The following CNTNAP2 variants were observed in gnomAD, a reference collection of about 807,000 sequenced individuals.
CNTNAP2 encodes the protein contactin-associated protein-like 2.
Under a neutral mutation model 155.2 loss-of-function variants are expected in CNTNAP2, and 98 were observed. The observed-to-expected ratio is 0.63, with a 90% CI of 0.54 to 0.75. The LOEUF (loss-of-function observed/expected upper bound fraction) is 0.75, where lower values mean the gene tolerates loss of function less well. Among genes scored for constraint, CNTNAP2 ranks in the 30% least tolerant of loss-of-function variants. CNTNAP2 has a pLI of 0.00. For synonymous variants in CNTNAP2, 651 were observed against 631.2 expected (o/e 1.03, Z -0.47); for missense variants, 1,727 against 1,688.1 (o/e 1.02, Z -0.40).
intron 13 of CNTNAP2, among the ~76,000 whole-genome samples, chr7:147,669,775 C>T (rs1795757295): frequency 6.6e-6 from 1 of 152,222 alleles, no homozygotes; most frequent in Non-Finnish European, 1.5e-5. Flanking sequence ...TTGGTCTTCT[C>T]CATCCTTCCA....
chr7:147,465,015 A>G (rs1798094195), intron 10 of CNTNAP2, among the ~76,000 whole-genome samples: 1 of 152,188 alleles, frequency 6.6e-6, no homozygotes, highest in Admixed American at 6.5e-5. Flanking sequence ...AGCAACATGG[A>G]TGCAGCTGGA....
intron 9 of CNTNAP2, among the ~76,000 whole-genome samples, chr7:147,394,807 T>TTTTGTGTGTG (rs765458537): frequency 7.2e-6 from 1 of 139,286 alleles, no homozygotes; most frequent in African/African-American, 2.7e-5. Context: ...ATCAACAGTA[T>TTTTGTGTGTG]TGTGTGTGTG....
At chr7:146,373,728 G>A (rs543708433) in intron 1 of CNTNAP2, among the ~76,000 whole-genome samples, 1 of 152,182 alleles carries the variant, frequency 6.6e-6, no homozygotes, top group African/African-American at 2.4e-5. Flanking sequence ...ACAGACATCA[G>A]TCTCCAGACA....
chr7:146,392,489 T>C (rs184245076), intron 1 of CNTNAP2, among the ~76,000 whole-genome samples: 1 of 152,302 alleles, frequency 6.6e-6, no homozygotes, highest in East Asian at 1.9e-4. Context: ...ATATTTCTCC[T>C]TCAGATAAAA....
At chr7:148,110,772 C>A (rs963350715) in intron 15 of CNTNAP2, among the ~76,000 whole-genome samples, 5 of 152,156 alleles carry the variant, frequency 3.3e-5, no homozygotes, top group African/African-American at 1.2e-4. Flanking sequence ...CTGCCAGTGA[C>A]TGTCCTACTC....
At chr7:147,303,467 G>A (rs1253917614) in intron 9 of CNTNAP2, among the ~76,000 whole-genome samples, 3 of 152,152 alleles carry the variant, frequency 2.0e-5, no homozygotes, top group Non-Finnish European at 4.4e-5. Context: ...CCTCTGGATC[G>A]CAACTTTAAC....
intron 10 of CNTNAP2, among the ~76,000 whole-genome samples, chr7:147,480,532 T>C (rs1798402350): frequency 6.6e-6 from 1 of 152,226 alleles, no homozygotes; most frequent in African/African-American, 2.4e-5. Context: ...CTATGAATTA[T>C]ATGAAGTCTA....
At chr7:147,674,636 T>C (rs1400111607) in intron 13 of CNTNAP2, among the ~76,000 whole-genome samples, 1 of 152,190 alleles carries the variant, frequency 6.6e-6, no homozygotes, top group African/African-American at 2.4e-5. Flanking sequence ...CTTCGTTGTT[T>C]AAATGCAATA....
At chr7:146,188,478 T>A (rs1392573209) in intron 1 of CNTNAP2, among the ~76,000 whole-genome samples, 1 of 152,204 alleles carries the variant, frequency 6.6e-6, no homozygotes, top group Non-Finnish European at 1.5e-5. Context: ...TAAAGCCAAA[T>A]GTAAAGTCTC....
chr7:147,015,333 T>A (rs889417147), intron 3 of CNTNAP2, among the ~76,000 whole-genome samples: 1 of 152,134 alleles, frequency 6.6e-6, no homozygotes, highest in Non-Finnish European at 1.5e-5. Context: ...TTAGCACCTG[T>A]CTGACATTTC....
intron 20 of CNTNAP2, among the ~76,000 whole-genome samples, chr7:148,249,523 C>G (rs1796330523): frequency 6.6e-6 from 1 of 152,142 alleles, no homozygotes; most frequent in South Asian, 2.1e-4. Context: ...TATCTCAACC[C>G]AAACCTCGCC....
Position 146,322,564 on chromosome 7 carries a change from A to G in CNTNAP2, c.97+205591A>G, listed in dbSNP as rs114716216. 6.9e-3 allele frequency among the ~76,000 whole-genome samples: 993 copies of G among 143,522 alleles called. 13 individuals are homozygous for G. Among genetic ancestry groups the G allele is most frequent in the African/African-American group, 0.024 (953 of 38,934 alleles). The allele number at this position is 143,522 out of a possible 152,430, so 94.2% of individuals were successfully genotyped here. Reference sequence around the variant, plus strand: ...ATACAAATTTAAATTTGGGAAATCTATTGGATCCTCTTTTATTTTTAGGGA... The same window carrying G: ...ATACAAATTTAAATTTGGGAAATCTGTTGGATCCTCTTTTATTTTTAGGGA... On this transcript the variant is annotated intron_variant, in intron 1 of 23. Transcript: ENST00000361727.
intron 1 of CNTNAP2, among the ~76,000 whole-genome samples, chr7:146,704,658 A>C (rs1317499061): frequency 6.6e-6 from 1 of 152,170 alleles, no homozygotes; most frequent in Non-Finnish European, 1.5e-5. Flanking sequence ...ATGTGAGGTC[A>C]ATTGGTTAAC....
chr7:147,315,111 CA>C lies in CNTNAP2; in HGVS notation c.1498+14839del, dbSNP rs61529667. Among the ~76,000 whole-genome samples the C allele has an allele frequency of 4.2e-3, 445 of 107,116 alleles. 2 individuals are homozygous for C. Among genetic ancestry groups the C allele is most frequent in the Middle Eastern group, 9.5e-3 (2 of 210 alleles). 70.3% of individuals were successfully genotyped at this position (107,116 alleles called of 152,430 possible). A position where few individuals can be genotyped will look rare whatever the true frequency, so the allele number is the denominator to read the frequency against. Reference sequence around the variant, plus strand: ...CTTAAGAACCTTCTAGGGTACTTTACAAAAAAAAAAAAAAAAAAGTCTTTGG... The same window carrying C: ...CTTAAGAACCTTCTAGGGTACTTTACAAAAAAAAAAAAAAAAAGTCTTTGG... On this transcript the variant is annotated intron_variant, in intron 9 of 23. Coordinates refer to ENST00000361727, the MANE Select transcript of CNTNAP2 (RefSeq NM_014141.6).
intron 2 of CNTNAP2, among the ~76,000 whole-genome samples, chr7:146,823,226 C>T (rs963182217): frequency 6.7e-6 from 1 of 149,840 alleles, no homozygotes; most frequent in Non-Finnish European, 1.5e-5. Context: ...TGAGTATACT[C>T]ATTCTTCAGT....
At chr7:148,201,143 G>A (rs1267224638) in intron 18 of CNTNAP2, among the ~76,000 whole-genome samples, 1 of 152,178 alleles carries the variant, frequency 6.6e-6, no homozygotes, top group African/African-American at 2.4e-5. Context: ...TCAAATCTCA[G>A]AATAAAAATA....
At chr7:147,322,116 A>G (rs997513695) in intron 9 of CNTNAP2, among the ~76,000 whole-genome samples, 1 of 152,172 alleles carries the variant, frequency 6.6e-6, no homozygotes, top group Non-Finnish European at 1.5e-5. Context: ...CAAGTTCTAG[A>G]TAGGAGGAAA....
intron 22 of CNTNAP2, among the ~76,000 whole-genome samples, chr7:148,406,678 TATA>T (rs1332713239): frequency 6.6e-6 from 1 of 152,184 alleles, no homozygotes; most frequent in Non-Finnish European, 1.5e-5. Context: ...GAAGAGTAAT[TATA>T]ATGTCAAAAG....
intron 1 of CNTNAP2, among the ~76,000 whole-genome samples, chr7:146,156,785 A>C (rs1383107211): frequency 6.6e-6 from 1 of 152,232 alleles, no homozygotes; most frequent in African/African-American, 2.4e-5. Flanking sequence ...TATTTTTAGT[A>C]AAAACAGGTT....
Sources: allele counts gnomAD v4.1 joint callset (sites outside exome capture counted in the v4.1 genomes callset), GRCh38; gene constraint gnomAD v4.1.1; transcripts MANE v1.5; gene names NCBI Gene and HGNC (gene_info 2026-07-23, HGNC 2026-07-21).